The following NCOA1 variants were observed in gnomAD, a reference collection of about 807,000 sequenced individuals.
NCOA1 encodes nuclear receptor coactivator 1.
A neutral mutation model predicts 150.9 loss-of-function variants in NCOA1; 35 were observed. The observed-to-expected ratio is 0.23, with a 90% CI of 0.18 to 0.31. NCOA1 has a LOEUF of 0.31. Ranked by LOEUF, NCOA1 falls within the 10% of genes least tolerant of loss-of-function variation. The pLI, the probability that NCOA1 is intolerant of heterozygous loss-of-function variation, is 1.00. For synonymous variants in NCOA1, 590 were observed against 630.0 expected (o/e 0.94, Z 0.95); for missense variants, 1,491 against 1,749.3 (o/e 0.85, Z 2.63).
chr2:24,694,391 A>G (rs944569780), intron 10 of NCOA1, among the ~76,000 whole-genome samples: 5 of 152,226 alleles, frequency 3.3e-5, no homozygotes, highest in African/African-American at 1.2e-4. Flanking sequence ...CTAAGATTTT[A>G]AAAATAATTT....
intron 3 of NCOA1, among the ~76,000 whole-genome samples, chr2:24,588,021 G>A (rs931935754): frequency 6.6e-6 from 1 of 152,170 alleles, no homozygotes; most frequent in Non-Finnish European, 1.5e-5. Context: ...CATCATGGCT[G>A]ACCATGGGAC....
At chr2:24,528,721 A>G (rs1323932511) in intron 1 of NCOA1, among the ~76,000 whole-genome samples, 1 of 152,184 alleles carries the variant, frequency 6.6e-6, no homozygotes, top group Non-Finnish European at 1.5e-5. Flanking sequence ...GAATGTATAA[A>G]ACTATTAACA....
chr2:24,665,763 G>A lies in NCOA1; in HGVS notation c.104G>A (p.Arg35His). 3.2e-6 allele frequency: 5 copies of A among 1,576,362 alleles called. No individual in the cohort carries two copies. The highest frequency in any genetic ancestry group is 4.3e-6 in the Non-Finnish European group (5 of 1,159,530). Residue 35 changes from arginine to histidine, a missense_variant, in exon 6 of 23, where the codon CGC (arginine) becomes CAC (histidine). This residue lies in a region of NCOA1 where 80 missense variants were observed against 163.0 expected (regional missense o/e 0.49). Transcript: ENST00000348332. Reference sequence around the variant, plus strand: ...TTGTGTAACAGCACGGAAAAGAGGCGCAGGGAGCAAGAAAATAAATATTTA... The same window carrying A: ...TTGTGTAACAGCACGGAAAAGAGGCACAGGGAGCAAGAAAATAAATATTTA... Reference protein sequence around the residue: ...DTLASSTEKRRREQENKYLEE... With the variant: ...DTLASSTEKRHREQENKYLEE...
chr2:24,586,440 G>A (rs1667413047), intron 3 of NCOA1, among the ~76,000 whole-genome samples: 1 of 151,984 alleles, frequency 6.6e-6, no homozygotes, highest in South Asian at 2.1e-4. Context: ...AGGCTGGAGT[G>A]CAGTGGCATG....
rs56175173 is a variant in NCOA1, at chr2:24,759,381, T to C, written c.4065+1225T>C. 8.0e-3 allele frequency among the ~76,000 whole-genome samples: 1,225 copies of C among 152,328 alleles called. 18 individuals are homozygous for C. The highest frequency in any genetic ancestry group is 0.028 in the African/African-American group (1,168 of 41,572). ...TTATCACAGCATGACCTAGGCAGGA[T>C]AGGAGTTGAAAGCCTAATTAATGTT... On this transcript the variant is annotated intron_variant, in intron 21 of 22. Coordinates refer to ENST00000348332, the MANE Select transcript of NCOA1 (RefSeq NM_003743.5).
In NCOA1 at chr2:24,728,291, G is replaced by T. The variant is rs778496085; in HGVS notation, c.2718-17G>T. 8.8e-6 allele frequency: 14 copies of T among 1,586,916 alleles called. No homozygotes were observed. The highest frequency in any genetic ancestry group is 1.2e-5 in the Non-Finnish European group (14 of 1,168,518). On this transcript the variant is annotated splice_polypyrimidine_tract_variant and intron_variant, in intron 15 of 22. Transcript: ENST00000348332. ...TGCTATGTCAGTCTGAAACTTTCTT[G>T]TTTTTTAATCCTGCAGCCAGTGTAT...
At chr2:24,611,953 T>C (rs2148386625) in intron 3 of NCOA1, among the ~76,000 whole-genome samples, 1 of 152,298 alleles carries the variant, frequency 6.6e-6, no homozygotes, top group African/African-American at 2.4e-5. Flanking sequence ...TTGATCCTAT[T>C]GTGAAGTTGT....
At chr2:24,739,861 C>G (rs927527990) in intron 18 of NCOA1, among the ~76,000 whole-genome samples, 2 of 152,048 alleles carry the variant, frequency 1.3e-5, no homozygotes, top group Non-Finnish European at 2.9e-5. Context: ...GAACGGTACC[C>G]GAAACCTGAT....
chr2:24,612,769 G>T (rs140857036), intron 3 of NCOA1, among the ~76,000 whole-genome samples: 3 of 152,042 alleles, frequency 2.0e-5, no homozygotes, highest in Non-Finnish European at 2.9e-5. Flanking sequence ...AGTATTTACC[G>T]CTTCCTTCAT....
At chr2:24,555,514 T>G (rs1175324983) in intron 1 of NCOA1, among the ~76,000 whole-genome samples, 1 of 152,196 alleles carries the variant, frequency 6.6e-6, no homozygotes, top group Non-Finnish European at 1.5e-5. Flanking sequence ...TCTTAGTTAT[T>G]TTCTGTCTTC....
chr2:24,590,662 A>G (rs1488603717), intron 3 of NCOA1, among the ~76,000 whole-genome samples: 1 of 152,132 alleles, frequency 6.6e-6, no homozygotes, highest in East Asian at 1.9e-4. Context: ...GTGTGGACCC[A>G]TGGCACTTTG....
rs41281513 is a variant in NCOA1 at position 24,697,794 on chromosome 2, A to G, written c.945A>G (p.Gln315=). The G allele has an allele frequency of 0.013, 21,769 of 1,612,874 alleles. 184 individuals carry two copies. The highest frequency in any genetic ancestry group is 0.015 in the Non-Finnish European group (17,604 of 1,179,302). Residue 315 remains glutamine, a synonymous_variant, in exon 11 of 23, where the codon CAA becomes CAG. Transcript: ENST00000348332. ...CATCTTATGCCAGACAGCTGTTCCA[A>G]GAAGGTAAAATTTTCTCTCTCAATT... ...REPSYARQLF[Q]EVMTRGTASS...
chr2:24,608,914 G>A (rs1668501752), intron 3 of NCOA1, among the ~76,000 whole-genome samples: 1 of 151,970 alleles, frequency 6.6e-6, no homozygotes, highest in Non-Finnish European at 1.5e-5. Context: ...TTTCTTGTGA[G>A]GTTGTGGGAA....
At chr2:24,589,010 T>C (rs969346668) in intron 3 of NCOA1, among the ~76,000 whole-genome samples, 12 of 152,168 alleles carry the variant, frequency 7.9e-5, no homozygotes, top group Admixed American at 3.9e-4. Context: ...TATCCAATAA[T>C]TTAAATAGTT....
intron 3 of NCOA1, among the ~76,000 whole-genome samples, chr2:24,638,463 A>G (rs1265933458): frequency 1.3e-5 from 2 of 152,026 alleles, no homozygotes; most frequent in African/African-American, 2.4e-5. Context: ...ACGTCTCTTC[A>G]ATAATACTGA....
chr2:24,752,660 T>C (rs1664309607), intron 20 of NCOA1, among the ~76,000 whole-genome samples: 1 of 152,122 alleles, frequency 6.6e-6, no homozygotes, highest in Non-Finnish European at 1.5e-5. Context: ...AAGTTTTTCT[T>C]TATAAGAACA....
chr2:24,703,958 T>G (rs996209689), intron 11 of NCOA1, among the ~76,000 whole-genome samples: 7 of 152,164 alleles, frequency 4.6e-5, no homozygotes, highest in Non-Finnish European at 1.0e-4. Context: ...TATTAAAACA[T>G]CAGTGATATT....
intron 14 of NCOA1, among the ~76,000 whole-genome samples, chr2:24,720,697 G>A (rs6719275): frequency 0.039 from 5,979 of 152,026 alleles, 144 homozygotes; most frequent in East Asian, 0.11. Context: ...AAAGAATTAA[G>A]GATTGCAGAA....
chr2:24,624,554 C>G (rs1669317561), intron 3 of NCOA1, among the ~76,000 whole-genome samples: 1 of 152,190 alleles, frequency 6.6e-6, no homozygotes, highest in Admixed American at 6.5e-5. Flanking sequence ...CTGCTTCCCC[C>G]ACCAGCTTTG....
Sources: allele counts gnomAD v4.1 joint callset (sites outside exome capture counted in the v4.1 genomes callset), GRCh38; gene constraint gnomAD v4.1.1; regional missense constraint gnomAD v4.1.1; transcripts MANE v1.5; gene names NCBI Gene and HGNC (gene_info 2026-07-23, HGNC 2026-07-21).